Variants in RFTN1 observed in about 807,000 individuals in gnomAD.
RFTN1 encodes raftlin, lipid raft linker 1, also known as raftlin.
A neutral mutation model predicts 46.5 loss-of-function variants in RFTN1; 26 were observed. That is an observed-to-expected ratio of 0.56 (90% CI 0.41 to 0.78). RFTN1 has a LOEUF of 0.78. Ranked by LOEUF, RFTN1 falls within the 30% of genes least tolerant of loss-of-function variation. The pLI, the probability that RFTN1 is intolerant of heterozygous loss-of-function variation, is 0.00. For synonymous variants in RFTN1, 261 were observed against 284.2 expected (o/e 0.92, Z 0.82); for missense variants, 693 against 718.7 (o/e 0.96, Z 0.41).
At chr3:16,419,529 G>C (rs2075147696) in intron 3 of RFTN1, among the ~76,000 whole-genome samples, 1 of 152,060 alleles carries the variant, frequency 6.6e-6, no homozygotes. Context: ...GGTGGTTGTG[G>C]GCAGGGGAAT....
intron 2 of RFTN1, among the ~76,000 whole-genome samples, chr3:16,476,110 C>A (rs1041389424): frequency 6.6e-6 from 1 of 152,182 alleles, no homozygotes; most frequent in African/African-American, 2.4e-5. Flanking sequence ...CCAAGTCTGA[C>A]CTGTGTGGTG....
chr3:16,446,672 A>G lies in RFTN1; in HGVS notation c.146-12635T>C, dbSNP rs546753942. On this transcript the variant is annotated intron_variant, in intron 2 of 9. Transcript: ENST00000334133. This position sits in a 1 kb window ranked among gnomAD's most constrained non-coding sequence, Gnocchi z 4.5. The stretch of plus-strand genomic sequence containing the variant: ...GCCAAATAATAATAGGACAAAGACC[A>G]TGGTTGTATACAAGACAGTGACTGG... Among the ~76,000 whole-genome samples the G allele has an allele frequency of 1.3e-5, 2 of 152,342 alleles. No individual in the cohort carries two copies. The highest frequency in any genetic ancestry group is 4.8e-5 in the African/African-American group (2 of 41,586).
chr3:16,394,676 C>T (rs2074427530), intron 4 of RFTN1, among the ~76,000 whole-genome samples: 1 of 152,096 alleles, frequency 6.6e-6, no homozygotes, highest in Non-Finnish European at 1.5e-5. Flanking sequence ...TTGAGCTGTA[C>T]ACTTATGATT....
At chr3:16,505,434 CAGATGTGTG>C in intron 1 of RFTN1, among the ~76,000 whole-genome samples, 1 of 152,260 alleles carries the variant, frequency 6.6e-6, no homozygotes, top group East Asian at 1.9e-4. Flanking sequence ...CAAAACCAGT[CAGATGTGTG>C]TGTGTGTGTA....
intron 1 of RFTN1, among the ~76,000 whole-genome samples, chr3:16,505,242 G>A (rs541450137): frequency 6.6e-6 from 1 of 152,194 alleles, no homozygotes; most frequent in Admixed American, 6.5e-5. Context: ...CTCCTTTCCA[G>A]TCCTACCTCC....
At chr3:16,497,106 T>G (rs2076637934) in intron 1 of RFTN1, among the ~76,000 whole-genome samples, 1 of 152,194 alleles carries the variant, frequency 6.6e-6, no homozygotes, top group Non-Finnish European at 1.5e-5. Context: ...AGGGGGCTTC[T>G]AGGGTACCAG....
At chr3:16,324,603 A>C (rs2069470543) in intron 8 of RFTN1, among the ~76,000 whole-genome samples, 1 of 127,410 alleles carries the variant, frequency 7.8e-6, no homozygotes, top group Non-Finnish European at 1.6e-5. Context: ...TAAATAACAG[A>C]ATGTCCCTGA....
rs1427980962 is a variant in RFTN1, at chr3:16,344,602, G to C, written c.1146+13330C>G. On this transcript the variant is annotated intron_variant, in intron 7 of 9. Coordinates refer to ENST00000334133, the MANE Select transcript of RFTN1 (RefSeq NM_015150.2). This position sits in a 1 kb window ranked among gnomAD's most constrained non-coding sequence, Gnocchi z 4.4. ...GGTATTCTGTGGCCTCCCAGAATCA[G>C]GTCTCTTCAGGTCCACCACCTTCTA... Among the ~76,000 whole-genome samples the C allele has an allele frequency of 6.6e-6, 1 of 152,072 alleles. No individual in the cohort carries two copies. Among genetic ancestry groups the C allele is most frequent in the Non-Finnish European group, 1.5e-5 (1 of 68,016 alleles).
chr3:16,336,669 T>G lies in RFTN1; in HGVS notation c.1147-9793A>C, dbSNP rs1195399828. ...ATAATGTTCAAAGAGAATAATTTTT[T>G]TTTTTTAAAAAAGCTTAGTTCTTAG... On this transcript the variant is annotated intron_variant, in intron 7 of 9. Coordinates refer to ENST00000334133, the MANE Select transcript of RFTN1 (RefSeq NM_015150.2). This position sits in a 1 kb window ranked among gnomAD's most constrained non-coding sequence, Gnocchi z 6.0. Among the ~76,000 whole-genome samples, 1 of 152,208 alleles carries G rather than the reference T, an allele frequency of 6.6e-6. No individual in the cohort carries two copies. Among genetic ancestry groups the G allele is most frequent in the Non-Finnish European group, 1.5e-5 (1 of 68,044 alleles).
Position 16,358,434 on chromosome 3 carries a change from TTTTTTTC to T in RFTN1, c.1031-394_1031-388del, listed in dbSNP as rs548817624. On this transcript the variant is annotated intron_variant, in intron 6 of 9. Coordinates refer to ENST00000334133, the MANE Select transcript of RFTN1 (RefSeq NM_015150.2). ...GCAAACTATATTTAGGTGAGGGTTT[TTTTTTTC>T]TTTTTTCTTTTTTTTTAAAGGGAAG... Among the ~76,000 whole-genome samples the T allele has an allele frequency of 7.7e-4, 116 of 151,468 alleles. 2 individuals are homozygous for T. The highest frequency in any genetic ancestry group is 2.1e-3 in the African/African-American group (88 of 41,376).
chr3:16,479,746 C>A lies in RFTN1; in HGVS notation c.145+13979G>T, dbSNP rs978930119. ...CCAGGAAGCTCGTTTGATTGAGGTA[C>A]CTTTTCCAAGCTGCAGTTTGGTTGG... On this transcript the variant is annotated intron_variant, in intron 2 of 9. Transcript: ENST00000334133. This position sits in a 1 kb window ranked among gnomAD's most constrained non-coding sequence, Gnocchi z 5.1. Among the ~76,000 whole-genome samples, 2 of 152,204 alleles carry A rather than the reference C, an allele frequency of 1.3e-5. No homozygotes were observed. Among genetic ancestry groups the A allele is most frequent in the Non-Finnish European group, 2.9e-5 (2 of 68,028 alleles).
Position 16,447,196 on chromosome 3 carries a change from T to C in RFTN1, c.146-13159A>G, listed in dbSNP as rs1358630216. Among the ~76,000 whole-genome samples, 6 of 152,234 alleles carry C rather than the reference T, an allele frequency of 3.9e-5. No individual in the cohort carries two copies. The highest frequency in any genetic ancestry group is 1.2e-4 in the African/African-American group (5 of 41,464). On this transcript the variant is annotated intron_variant, in intron 2 of 9. Coordinates refer to ENST00000334133, the MANE Select transcript of RFTN1 (RefSeq NM_015150.2). The surrounding 1 kb of genome is among the most constrained non-coding windows in gnomAD (Gnocchi z 5.9). ...TTCACTAAGTCTACATAAAGTTCTA[T>C]GCATTGTAAATGCATTTTAACAAAT...
intron 1 of RFTN1, among the ~76,000 whole-genome samples, chr3:16,496,998 C>T (rs912475638): frequency 1.3e-5 from 2 of 152,158 alleles, no homozygotes; most frequent in Non-Finnish European, 2.9e-5. Context: ...CTTTCTTACT[C>T]CCGTTATACA....
At chr3:16,404,726 C>A (rs866038084) in intron 4 of RFTN1, among the ~76,000 whole-genome samples, 3 of 151,952 alleles carry the variant, frequency 2.0e-5, no homozygotes, top group African/African-American at 7.3e-5. Flanking sequence ...CAGTTCCTCA[C>A]TTTGCAGAGC....
At chr3:16,389,487 T>C (rs1185245045) in intron 4 of RFTN1, among the ~76,000 whole-genome samples, 1 of 53,698 alleles carries the variant, frequency 1.9e-5, no homozygotes, top group Non-Finnish European at 3.5e-5. Context: ...AGGAGATGGG[T>C]TTTTTTTCGG....
chr3:16,357,148 A>G (rs1484907745), intron 7 of RFTN1, among the ~76,000 whole-genome samples: 1 of 150,888 alleles, frequency 6.6e-6, no homozygotes, highest in Non-Finnish European at 1.5e-5. Context: ...AAACAAACAA[A>G]CAAACAAAAA....
chr3:16,457,305 G>A lies in RFTN1; in HGVS notation c.146-23268C>T, dbSNP rs1423125844. Among the ~76,000 whole-genome samples the A allele has an allele frequency of 6.6e-6, 1 of 152,198 alleles. No individual in the cohort carries two copies. Among genetic ancestry groups the A allele is most frequent in the Non-Finnish European group, 1.5e-5 (1 of 68,038 alleles). On this transcript the variant is annotated intron_variant, in intron 2 of 9. Coordinates refer to ENST00000334133, the MANE Select transcript of RFTN1 (RefSeq NM_015150.2). The surrounding 1 kb of genome is among the most constrained non-coding windows in gnomAD (Gnocchi z 4.2). ...CCCAGGCTCTGGATTTAGACTTCCT[G>A]GGTTCAAATCCTGGCTTGGCCTCTT...
At position 16,469,445 on chromosome 3, in the gene RFTN1, G is replaced by A. The variant is rs139332182; in HGVS notation, c.145+24280C>T. ...TTATGAGGCTGTTATGCTTATCCAG[G>A]CTGGACAAATCTGGGCCACTGGTTA... is the stretch of plus-strand genomic sequence containing the variant. On this transcript the variant is annotated intron_variant, in intron 2 of 9. Transcript: ENST00000334133. Among the ~76,000 whole-genome samples, 403 of 152,326 alleles carry A rather than the reference G, an allele frequency of 2.6e-3. 1 individual carries two copies. The highest frequency in any genetic ancestry group is 4.6e-3 in the Admixed American group (71 of 15,306).
rs371959307 is a variant in RFTN1, at chr3:16,489,575, G to A, written c.145+4150C>T. ...ACACTTTAAATATGTGCAATGTAGT[G>A]TACTTCATTTATACCTTGATAAAGC... On this transcript the variant is annotated intron_variant, in intron 2 of 9. Transcript: ENST00000334133. This position sits in a 1 kb window ranked among gnomAD's most constrained non-coding sequence, Gnocchi z 4.0. Among the ~76,000 whole-genome samples, 7 of 152,286 alleles carry A rather than the reference G, an allele frequency of 4.6e-5. No homozygotes were observed. The East Asian group carries it at 1.4e-3, about 29-fold the overall frequency.
Sources: gnomAD v4.1 joint callset for allele counts (sites outside exome capture counted in the v4.1 genomes callset) on GRCh38, gnomAD v4.1.1 for gene constraint, Gnocchi (gnomAD v3.1) non-coding constraint, MANE v1.5 for transcripts, NCBI Gene and HGNC (gene_info 2026-07-23, HGNC 2026-07-21) for gene names.